COL5A2: variants seen among roughly 807,000 people sequenced by gnomAD.
COL5A2 encodes collagen alpha-2(V) chain.
COL5A2 carries 23 observed loss-of-function variants against 208.2 expected under a neutral mutation model. The observed-to-expected ratio is 0.11, with a 90% CI of 0.08 to 0.16. COL5A2 has a LOEUF of 0.16. COL5A2 is among the 10% of genes least tolerant of loss of function. The probability of loss-of-function intolerance (pLI) is 1.00; values close to 1 mark genes in which losing one functional copy is unlikely to be tolerated. For missense variants in COL5A2, 1,590 were observed against 1,956.4 expected (o/e 0.81, Z 3.53); for synonymous variants, 625 against 628.5 (o/e 0.99, Z 0.08).
intron 1 of COL5A2, among the ~76,000 whole-genome samples, chr2:189,193,203 A>G (rs1688952406): frequency 6.6e-6 from 1 of 152,240 alleles, no homozygotes; most frequent in African/African-American, 2.4e-5. Context: ...ATCAATAAGC[A>G]ATGCAATGTT....
At chr2:189,098,035 T>C (rs371837438) in intron 5 of COL5A2, among the ~76,000 whole-genome samples, 17 of 150,956 alleles carry the variant, frequency 1.1e-4, no homozygotes, top group South Asian at 2.1e-4. Context: ...AAAATGTTTT[T>C]CCCCCCCTGG....
the COL5A2 span, among the ~76,000 whole-genome samples, chr2:189,325,147 T>C: frequency 1.3e-5 from 2 of 150,900 alleles, no homozygotes; most frequent in African/African-American, 4.9e-5. Context: ...AAGGGGAACA[T>C]CACACACTGG....
intron 1 of COL5A2, among the ~76,000 whole-genome samples, chr2:189,137,137 C>A (rs1687841807): frequency 6.6e-6 from 1 of 152,142 alleles, no homozygotes; most frequent in Non-Finnish European, 1.5e-5. Context: ...CTGGACCAAT[C>A]TCTTCAAGCA....
At chr2:189,167,980 C>G (rs945562964) in intron 1 of COL5A2, among the ~76,000 whole-genome samples, 1 of 150,364 alleles carries the variant, frequency 6.7e-6, no homozygotes, top group Non-Finnish European at 1.5e-5. Flanking sequence ...CGCTGTCACC[C>G]AGGCTGGAGT....
chr2:189,040,322 A>G (rs6414120), intron 50 of COL5A2, among the ~76,000 whole-genome samples: 150,035 of 150,040 alleles, frequency 1, 75,015 homozygotes, highest in Middle Eastern at 1. Context: ...ACATAAATAA[A>G]GAGCCCTCCT....
At chr2:189,120,410 GT>G (rs1687477055) in intron 1 of COL5A2, among the ~76,000 whole-genome samples, 1 of 152,102 alleles carries the variant, frequency 6.6e-6, no homozygotes, top group African/African-American at 2.4e-5. Flanking sequence ...GTTTTGAGAG[GT>G]TTTGTCTAAT....
chr2:189,217,284 C>T (rs1262454582), intron 1 of COL5A2, among the ~76,000 whole-genome samples: 1 of 152,146 alleles, frequency 6.6e-6, no homozygotes, highest in Non-Finnish European at 1.5e-5. Flanking sequence ...ATTTGCCCTT[C>T]TGAGCTCTGG....
chr2:189,206,580 A>G (rs1476242995), intron 1 of COL5A2, among the ~76,000 whole-genome samples: 4 of 152,198 alleles, frequency 2.6e-5, no homozygotes, highest in African/African-American at 9.6e-5. Context: ...TGTTAAAACC[A>G]TGAAGGACTA....
At chr2:189,426,039 G>A in the COL5A2 span, among the ~76,000 whole-genome samples, 807 of 152,252 alleles carry the variant, frequency 5.3e-3, 30 homozygotes, top group East Asian at 0.084. Context: ...ATTCAAGAGT[G>A]AGGCATTGCT....
At chr2:189,437,451 T>G in the COL5A2 span, among the ~76,000 whole-genome samples, 1 of 152,212 alleles carries the variant, frequency 6.6e-6, no homozygotes, top group Non-Finnish European at 1.5e-5. Context: ...CCACACTTTG[T>G]GCAACAACAT....
At chr2:189,215,109 T>C (rs1305869768) in intron 1 of COL5A2, among the ~76,000 whole-genome samples, 1 of 152,156 alleles carries the variant, frequency 6.6e-6, no homozygotes, top group Non-Finnish European at 1.5e-5. Flanking sequence ...TCTGATTCAT[T>C]CTCTGTTGAG....
chr2:189,192,893 T>G (rs1688948732), intron 1 of COL5A2, among the ~76,000 whole-genome samples: 1 of 152,202 alleles, frequency 6.6e-6, no homozygotes. Context: ...ATCACAAGAG[T>G]GTGCTACTTA....
At chr2:189,309,318 A>G in the COL5A2 span, among the ~76,000 whole-genome samples, 4 of 152,258 alleles carry the variant, frequency 2.6e-5, no homozygotes, top group African/African-American at 9.6e-5. Context: ...GGGCTCAAGC[A>G]TGAGAACTAA....
the COL5A2 span, among the ~76,000 whole-genome samples, chr2:189,337,187 C>CT: frequency 0.013 from 1,682 of 129,756 alleles, 14 homozygotes; most frequent in African/African-American, 0.033. Flanking sequence ...TTTTTTTTTT[C>CT]TTTTTTTTTT....
At chr2:189,293,499 T>A in the COL5A2 span, among the ~76,000 whole-genome samples, 4 of 152,320 alleles carry the variant, frequency 2.6e-5, no homozygotes, top group Admixed American at 2.6e-4. Flanking sequence ...TATCTGACTG[T>A]CTGCGTCTCC....
chr2:189,165,247 C>T (rs1162664277), intron 1 of COL5A2, among the ~76,000 whole-genome samples: 2 of 152,030 alleles, frequency 1.3e-5, no homozygotes, highest in Non-Finnish European at 2.9e-5. Context: ...TCCTGAAATG[C>T]TTTGTAAATA....
At chr2:189,272,339 G>A in the COL5A2 span, among the ~76,000 whole-genome samples, 1 of 151,994 alleles carries the variant, frequency 6.6e-6, no homozygotes, top group Non-Finnish European at 1.5e-5. Flanking sequence ...CCATAAAAAA[G>A]GATGAGTTCA....
chr2:189,135,290 C>T (rs1439368230), intron 1 of COL5A2, among the ~76,000 whole-genome samples: 3 of 152,106 alleles, frequency 2.0e-5, no homozygotes, highest in African/African-American at 4.8e-5. Flanking sequence ...TTCTTCCTAA[C>T]CTGGATATTT....
the COL5A2 span, among the ~76,000 whole-genome samples, chr2:189,289,306 A>C: frequency 2.0e-5 from 3 of 152,024 alleles, no homozygotes; most frequent in South Asian, 6.2e-4. Context: ...GTGCCACTGC[A>C]CTCCAGCCTG....
Sources: gnomAD v4.1 joint callset for allele counts (sites outside exome capture counted in the v4.1 genomes callset) on GRCh38, gnomAD v4.1.1 for gene constraint, MANE v1.5 for transcripts, NCBI Gene and HGNC (gene_info 2026-07-23, HGNC 2026-07-21) for gene names.